MTM1: variants seen among roughly 807,000 people sequenced by gnomAD.
MTM1 encodes the protein myotubularin.
MTM1 carries 9 observed loss-of-function variants against 52.1 expected under a neutral mutation model. The ratio of observed to expected loss-of-function variants is 0.17; its 90% CI spans 0.10 to 0.30. The LOEUF (loss-of-function observed/expected upper bound fraction) is 0.30, where lower values mean the gene tolerates loss of function less well. Ranked by LOEUF, MTM1 falls within the 10% of genes least tolerant of loss-of-function variation. The pLI, the probability that MTM1 is intolerant of heterozygous loss-of-function variation, is 1.00. For missense variants in MTM1, 277 were observed against 470.7 expected (o/e 0.59, Z 3.81); for synonymous variants, 136 against 163.8 (o/e 0.83, Z 1.29).
intron 11 of MTM1, 48 bp downstream of exon 11, chrX:150,658,075 A>C: frequency 1.0e-6 from 1 of 990,310 alleles, no homozygotes; most frequent in Non-Finnish European, 1.4e-6. Context: ...ACCATTCAGG[A>C]TTTTAAAACT....
chrX:150,643,538 CAT>C (rs1343911872), intron 8 of MTM1, among the ~76,000 whole-genome samples: 4 of 111,606 alleles, frequency 3.6e-5, no homozygotes, highest in Non-Finnish European at 5.7e-5. Context: ...CACACACACA[CAT>C]ATGTATATAT....
At chrX:150,599,636 A>G (rs2039036906) in intron 4 of MTM1, among the ~76,000 whole-genome samples, 1 of 111,631 alleles carries the variant, frequency 9.0e-6, no homozygotes, top group East Asian at 2.8e-4. Flanking sequence ...TATGGTGTTC[A>G]TTATTATGTC....
chrX:150,619,160 C>T (rs371357086), intron 6 of MTM1, 21 bp downstream of exon 6: 7 of 1,119,281 alleles, frequency 6.3e-6, no homozygotes, highest in Admixed American at 2.2e-5. Flanking sequence ...GTGCTCTCCT[C>T]AGCGTGGGAA....
chrX:150,655,873 A>G (rs1016763382), intron 10 of MTM1, among the ~76,000 whole-genome samples: 6 of 111,993 alleles, frequency 5.4e-5, no homozygotes, highest in African/African-American at 1.9e-4. Flanking sequence ...CAGGATGGGT[A>G]TATTCCATTG....
intron 4 of MTM1, among the ~76,000 whole-genome samples, chrX:150,609,186 C>G (rs1367814524): frequency 9.0e-6 from 1 of 111,095 alleles, no homozygotes; most frequent in African/African-American, 3.3e-5. Flanking sequence ...ACACCACTTT[C>G]AAAGTGGTGT....
chrX:150,562,968 A>G, the MTM1 span, among the ~76,000 whole-genome samples: 1 of 110,983 alleles, frequency 9.0e-6, no homozygotes, highest in Non-Finnish European at 1.9e-5. Context: ...TGGGGCCCAC[A>G]AGGGTAATGC....
chrX:150,629,673 G>A (rs1410289282), intron 6 of MTM1, among the ~76,000 whole-genome samples: 5 of 112,373 alleles, frequency 4.4e-5, no homozygotes, highest in Non-Finnish European at 9.4e-5. Context: ...TTTAGAAATA[G>A]CATTTATTCA....
chrX:150,593,494 G>A (rs1382528749), intron 2 of MTM1, among the ~76,000 whole-genome samples: 1 of 111,988 alleles, frequency 8.9e-6, no homozygotes, highest in African/African-American at 3.3e-5. Context: ...TTCAAAGGAA[G>A]GGATTAATTT....
upstream of MTM1, among the ~76,000 whole-genome samples, chrX:150,565,247 A>T (rs1451524778): frequency 1.8e-5 from 2 of 111,300 alleles, no homozygotes. Flanking sequence ...GGTGGCATTC[A>T]ACCCCTTTTT....
chrX:150,566,559 G>A (rs1363489444), upstream of MTM1, among the ~76,000 whole-genome samples: 2 of 111,185 alleles, frequency 1.8e-5, no homozygotes, highest in Non-Finnish European at 3.8e-5. Flanking sequence ...CAGGCCAAAG[G>A]CTAATCTTCT....
At chrX:150,652,363 GACAA>G (rs1334384677) in intron 10 of MTM1, among the ~76,000 whole-genome samples, 2 of 107,805 alleles carry the variant, frequency 1.9e-5, no homozygotes, top group Admixed American at 1.0e-4. Context: ...AAAAAACTCA[GACAA>G]ACAAACAAAA....
At chrX:150,588,693 T>C (rs782728944) in intron 1 of MTM1, among the ~76,000 whole-genome samples, 7 of 111,860 alleles carry the variant, frequency 6.3e-5, no homozygotes, top group Non-Finnish European at 9.4e-5. Flanking sequence ...GAAATGTTCA[T>C]GGAAAAGTCT....
chrX:150,568,409 C>T (rs1274264825), upstream of MTM1, among the ~76,000 whole-genome samples: 4 of 113,562 alleles, frequency 3.5e-5, no homozygotes, highest in Middle Eastern at 4.6e-3. Context: ...ATGCGTCGGA[C>T]CCTTCAAAAT....
At chrX:150,596,637 G>A (rs1557412616) in intron 3 of MTM1, 67 bp downstream of exon 3, 1 of 910,212 alleles carries the variant, frequency 1.1e-6, no homozygotes, top group African/African-American at 1.9e-5. Context: ...GGTGGCTTCA[G>A]TCCCGCTTAC....
intron 4 of MTM1, among the ~76,000 whole-genome samples, chrX:150,605,197 T>G (rs961849186): frequency 2.7e-5 from 3 of 112,091 alleles, no homozygotes; most frequent in Admixed American, 9.4e-5. Flanking sequence ...ATCCAAAAGT[T>G]GGTATTTCTC....
chrX:150,644,467 G>A (rs1557413924), intron 8 of MTM1, among the ~76,000 whole-genome samples: 7 of 111,940 alleles, frequency 6.3e-5, no homozygotes, highest in African/African-American at 2.3e-4. Flanking sequence ...AAATATTACT[G>A]TATAATCTTT....
intron 1 of MTM1, among the ~76,000 whole-genome samples, chrX:150,576,658 T>A (rs972551296): frequency 8.9e-6 from 1 of 111,952 alleles, no homozygotes; most frequent in Non-Finnish European, 1.9e-5. Context: ...CCCCCGTAGA[T>A]GATCAATCTT....
intron 1 of MTM1, among the ~76,000 whole-genome samples, chrX:150,590,776 A>AT (rs1233618554): frequency 1.1e-4 from 12 of 111,930 alleles, no homozygotes; most frequent in African/African-American, 3.6e-4. Flanking sequence ...AGGATTTTAG[A>AT]TTTTTTCTAC....
intron 8 of MTM1, among the ~76,000 whole-genome samples, chrX:150,644,036 T>C (rs1256440711): frequency 9.0e-6 from 1 of 110,737 alleles, no homozygotes; most frequent in Non-Finnish European, 1.9e-5. Context: ...ACAAAGAGAA[T>C]AGGGGTCGGG....
Sources: allele counts gnomAD v4.1 joint callset (sites outside exome capture counted in the v4.1 genomes callset), GRCh38; gene constraint gnomAD v4.1.1; transcripts MANE v1.5; gene names NCBI Gene and HGNC (gene_info 2026-07-23, HGNC 2026-07-21).